Variants in BPIFA2 observed in about 807,000 individuals in gnomAD.
BPIFA2 encodes BPI fold containing family A member 2, also known as BPI fold-containing family A member 2.
In BPIFA2, 20 loss-of-function variants were observed where a neutral mutation model predicts 25.7. The ratio of observed to expected loss-of-function variants is 0.78; its 90% CI spans 0.55 to 1.13. The LOEUF is 1.13. BPIFA2 is among the 50% of genes most tolerant of loss of function. The pLI is 0.00. For missense variants in BPIFA2, 300 were observed against 298.1 expected, an observed-to-expected ratio of 1.01 and a Z score of -0.05; for synonymous variants, 126 against 124.3, an observed-to-expected ratio of 1.01 and a Z score of -0.09.
chr20:33,178,347 G>A (rs907443835), intron 6 of BPIFA2, 119 bp downstream of exon 6: 2 of 718,998 alleles, frequency 2.8e-6, no homozygotes, highest in South Asian at 2.0e-5. Context: ...TTCTCCTTAG[G>A]AGGTCAGCTG....
In BPIFA2 at chr20:33,172,864, C is replaced by T. The variant is rs140852113; in HGVS notation, c.158-68C>T. 1.2e-5 allele frequency: 18 copies of T among 1,529,814 alleles called. No homozygotes were observed. In the East Asian group the frequency reaches 1.8e-4, roughly 16 times the overall value. 94.8% of individuals were successfully genotyped at this position (1,529,814 alleles called of 1,614,324 possible). Reference sequence around the variant, plus strand: ...AATAACATAGGCAAACAGTCTTACCCGGTACCTGGAGCATCGTAGCTACTT... The same window carrying T: ...AATAACATAGGCAAACAGTCTTACCTGGTACCTGGAGCATCGTAGCTACTT... On this transcript the variant is annotated intron_variant, in intron 2 of 8. Transcript: ENST00000354932.
chr20:33,171,957 T>C (rs1389225684), intron 2 of BPIFA2, among the ~76,000 whole-genome samples: 2 of 152,136 alleles, frequency 1.3e-5, no homozygotes, highest in African/African-American at 4.8e-5. Flanking sequence ...ATTGCAGCAC[T>C]ATTTACAATA....
At chr20:33,173,502 T>C (rs1983972626) in intron 3 of BPIFA2, among the ~76,000 whole-genome samples, 1 of 152,170 alleles carries the variant, frequency 6.6e-6, no homozygotes, top group African/African-American at 2.4e-5. Context: ...ATTATTATTA[T>C]TGTTATTATT....
chr20:33,169,214 C>G lies in BPIFA2; in HGVS notation c.69C>G (p.Asp23Glu). 1 of 1,613,962 alleles carries G rather than the reference C, an allele frequency of 6.2e-7. No individual in the cohort carries two copies. The highest frequency in any genetic ancestry group is 1.1e-5 in the South Asian group (1 of 91,072). Reference sequence around the variant, plus strand: ...CTGGGACCTCAGAGTCTCTTCTTGACAATCTTGGCAATGACCTAAGCAATG... The same window carrying G: ...CTGGGACCTCAGAGTCTCTTCTTGAGAATCTTGGCAATGACCTAAGCAATG... ...VLTGTSESLL[D>E]NLGNDLSNVV... Residue 23 changes from aspartate to glutamate, a missense_variant, in exon 2 of 9, where the codon GAC (aspartate) becomes GAG (glutamate). Coordinates refer to ENST00000354932, the MANE Select transcript of BPIFA2 (RefSeq NM_080574.4).
At chr20:33,165,053 A>AGAATAAACT (rs1287056632), upstream of BPIFA2, among the ~76,000 whole-genome samples, 9 of 152,258 alleles carry the variant, frequency 5.9e-5, no homozygotes, top group African/African-American at 2.2e-4. Context: ...GAGCGCTGAA[A>AGAATAAACT]GAATAAACTG....
chr20:33,178,787 C>T (rs533314238), intron 6 of BPIFA2, among the ~76,000 whole-genome samples: 34 of 152,086 alleles, frequency 2.2e-4, no homozygotes, highest in African/African-American at 5.1e-4. Flanking sequence ...CCCACTGAAC[C>T]GGAGTTTAGT....
At chr20:33,173,956 A>G in intron 3 of BPIFA2, 123 bp from the exon 4 acceptor site, 1 of 725,710 alleles carries the variant, frequency 1.4e-6, no homozygotes, top group South Asian at 1.6e-5. Flanking sequence ...ACAGGGCTAT[A>G]GTGAAGACTA....
At chr20:33,172,380 A>G (rs6057742) in intron 2 of BPIFA2, among the ~76,000 whole-genome samples, 23,571 of 152,032 alleles carry the variant, frequency 0.16, 4,517 homozygotes, top group African/African-American at 0.46. Flanking sequence ...CATTCTGCAC[A>G]TGTATCCCGG....
chr20:33,175,460 C>T lies in BPIFA2; in HGVS notation c.464C>T (p.Ala155Val). 3.7e-6 allele frequency: 6 copies of T among 1,614,048 alleles called. No individual in the cohort carries two copies. Among genetic ancestry groups the T allele is most frequent in the Non-Finnish European group, 5.1e-6 (6 of 1,179,926 alleles). ...AAAGCCTCCTTGGACCTCCTGACCG[C>T]AGTCACAATTGAAACTGATCCCCAG... is the stretch of plus-strand genomic sequence containing the variant. Reference protein sequence around the residue: ...NLKASLDLLTAVTIETDPQTH... With the variant: ...NLKASLDLLTVVTIETDPQTH... The change falls in exon 5 of 9, where the codon GCA becomes GTA. Residue 155 changes from alanine (A) to valine (V), a missense_variant. Physicochemically the swap from Ala to Val is moderately conservative, Grantham distance 64. Coordinates refer to ENST00000354932, the MANE Select transcript of BPIFA2 (RefSeq NM_080574.4).
intron 7 of BPIFA2, 46 bp downstream of exon 7, chr20:33,179,713 T>A (rs1984208983): frequency 6.5e-7 from 1 of 1,529,790 alleles, no homozygotes; most frequent in Non-Finnish European, 9.1e-7. Flanking sequence ...GGCATGGAGC[T>A]CTGTGCCCAC....
At chr20:33,166,924 C>T (rs142928414), upstream of BPIFA2, among the ~76,000 whole-genome samples, 939 of 152,288 alleles carry the variant, frequency 6.2e-3, 12 homozygotes, top group African/African-American at 0.021. Flanking sequence ...GGGGGAAGAG[C>T]GGGGCTCAGA....
In BPIFA2 at chr20:33,172,956, A is replaced by T; in HGVS notation, c.182A>T (p.Asp61Val). 1 of 1,613,914 alleles carries T rather than the reference A, an allele frequency of 6.2e-7. No individual in the cohort carries two copies. The highest frequency in any genetic ancestry group is 8.5e-7 in the Non-Finnish European group (1 of 1,179,924). Reference protein sequence around the residue: ...LKGILEKLKVDLGVLQKSSAW... With the variant: ...LKGILEKLKVVLGVLQKSSAW... ...GGCATCCTTGAGAAACTGAAGGTCG[A>T]CCTAGGAGTGCTTCAGAAATCCAGT... Residue 61 changes from aspartate to valine, a missense_variant, in exon 3 of 9, where the codon GAC (aspartate) becomes GTC (valine). Coordinates refer to ENST00000354932, the MANE Select transcript of BPIFA2 (RefSeq NM_080574.4).
At chr20:33,164,631 C>T (rs1049938671), upstream of BPIFA2, among the ~76,000 whole-genome samples, 2 of 151,774 alleles carry the variant, frequency 1.3e-5, no homozygotes, top group African/African-American at 4.8e-5. Context: ...CCTTCCCTCT[C>T]TTTCCTTCTT....
upstream of BPIFA2, among the ~76,000 whole-genome samples, chr20:33,167,895 G>A (rs1445720832): frequency 6.6e-6 from 1 of 152,152 alleles, no homozygotes; most frequent in African/African-American, 2.4e-5. Context: ...CACCCACAAG[G>A]ACCAAGGACC....
At chr20:33,166,110 G>A (rs567037823), upstream of BPIFA2, among the ~76,000 whole-genome samples, 21 of 152,216 alleles carry the variant, frequency 1.4e-4, no homozygotes, top group Admixed American at 1.3e-3. Flanking sequence ...TCCACCCCCT[G>A]GGTTCAAGTA....
rs1489298108 is a variant in BPIFA2 at position 33,169,141 on chromosome 20, A to C, written c.-5A>C. The stretch of plus-strand genomic sequence containing the variant: ...CCCATGACTGTCCAGGTGTCAAGAC[A>C]AAAGATGCTTCAGCTTTGGAAACTT... On this transcript the variant is annotated 5_prime_UTR_variant, in exon 2 of 9. Transcript: ENST00000354932. The C allele has an allele frequency of 6.2e-7, 1 of 1,613,778 alleles. No homozygotes were observed. The highest frequency in any genetic ancestry group is 8.5e-7 in the Non-Finnish European group (1 of 1,179,830).
At chr20:33,164,272 G>A (rs184275902), upstream of BPIFA2, among the ~76,000 whole-genome samples, 1 of 152,368 alleles carries the variant, frequency 6.6e-6, no homozygotes, top group East Asian at 1.9e-4. Flanking sequence ...GGATCTGGAA[G>A]ATGAGAGAGG....
chr20:33,172,914 G>T lies in BPIFA2; in HGVS notation c.158-18G>T, dbSNP rs1406023258. 1 of 1,611,172 alleles carries T rather than the reference G, an allele frequency of 6.2e-7. No individual in the cohort carries two copies. Among genetic ancestry groups the T allele is most frequent in the Non-Finnish European group, 8.5e-7 (1 of 1,178,798 alleles). ...TCGTAAGTGGTGCGTGACACAAAAT[G>T]GCGATTGTTTTTGGCAGGCATCCTT... On this transcript the variant is annotated intron_variant, in intron 2 of 8. Coordinates refer to ENST00000354932, the MANE Select transcript of BPIFA2 (RefSeq NM_080574.4).
chr20:33,180,765 A>G (rs914862231), intron 8 of BPIFA2, among the ~76,000 whole-genome samples, 168 bp downstream of exon 8: 2 of 152,200 alleles, frequency 1.3e-5, no homozygotes, highest in Non-Finnish European at 2.9e-5. Context: ...CACTCTGAAC[A>G]CTGAGCCTTA....
Sources: allele counts gnomAD v4.1 joint callset (sites outside exome capture counted in the v4.1 genomes callset), GRCh38; gene constraint gnomAD v4.1.1; transcripts MANE v1.5; gene names NCBI Gene and HGNC (gene_info 2026-07-23, HGNC 2026-07-21).